The following GRIK1 variants were observed in gnomAD, a reference collection of about 807,000 sequenced individuals.
GRIK1 encodes the protein glutamate ionotropic receptor kainate type subunit 1, also known as glutamate receptor ionotropic, kainate 1.
Under a neutral mutation model 105.7 loss-of-function variants are expected in GRIK1, and 69 were observed. That is an observed-to-expected ratio of 0.65 (90% confidence interval 0.54 to 0.80). The LOEUF is 0.80. GRIK1 is among the 30% of genes least tolerant of loss of function. The pLI, the probability that GRIK1 is intolerant of heterozygous loss-of-function variation, is 0.00. For synonymous variants in GRIK1, 438 were observed against 431.3 expected, an observed-to-expected ratio of 1.02 and a Z score of -0.19; for missense variants, 1,109 against 1,167.3, an observed-to-expected ratio of 0.95 and a Z score of 0.73.
At chr21:29,744,982 C>G (rs1375978535) in intron 1 of GRIK1, among the ~76,000 whole-genome samples, 1 of 152,150 alleles carries the variant, frequency 6.6e-6, no homozygotes, top group Non-Finnish European at 1.5e-5. Flanking sequence ...CTGGCATTCA[C>G]AGTCTTGTGT....
chr21:29,550,107 C>CAAAAAAAAAAAAAAAAAAAAAAAAAAA (rs34939329), intron 16 of GRIK1, among the ~76,000 whole-genome samples: 1 of 53,476 alleles, frequency 1.9e-5, no homozygotes, highest in African/African-American at 8.5e-5. Context: ...GACTCCATCT[C>CAAAAAAAAAAAAAAAAAAAAAAAAAAA]AAAAAAAAAA....
chr21:29,657,528 G>GTAGTAGAAAAATTCCCGTTGCTC (rs1262239775), intron 4 of GRIK1: 1 of 152,184 alleles, frequency 6.6e-6, no homozygotes, highest in Non-Finnish European at 1.5e-5. Flanking sequence ...TTTATTTGCT[G>GTAGTAGAAAAATTCCCGTTGCTC]TAGTAGAAAA....
intron 1 of GRIK1, among the ~76,000 whole-genome samples, chr21:29,837,356 C>T (rs8129443): frequency 0.041 from 6,196 of 152,164 alleles, 322 homozygotes; most frequent in African/African-American, 0.12. Flanking sequence ...ATTTCTCTTC[C>T]GAAAGCCTTT....
intron 1 of GRIK1, among the ~76,000 whole-genome samples, chr21:29,914,913 A>G (rs1405694568): frequency 6.6e-6 from 1 of 152,112 alleles, no homozygotes; most frequent in Admixed American, 6.6e-5. Flanking sequence ...ATCTGCCTTT[A>G]AATTACTTGC....
chr21:29,817,723 C>T (rs1366182352), intron 1 of GRIK1, among the ~76,000 whole-genome samples: 2 of 152,072 alleles, frequency 1.3e-5, no homozygotes, highest in Non-Finnish European at 2.9e-5. Flanking sequence ...CTGCAGCCAC[C>T]ATGAAATGGG....
At chr21:29,755,766 G>T (rs935455034) in intron 1 of GRIK1, among the ~76,000 whole-genome samples, 1 of 152,176 alleles carries the variant, frequency 6.6e-6, no homozygotes, top group Non-Finnish European at 1.5e-5. Flanking sequence ...AGGACTATTA[G>T]ATAAAATGTC....
chr21:29,640,663 C>T (rs554155152), intron 7 of GRIK1, among the ~76,000 whole-genome samples: 2 of 152,250 alleles, frequency 1.3e-5, no homozygotes, highest in South Asian at 4.1e-4. Context: ...GACTTAAGTA[C>T]AAGTGATAAG....
At chr21:29,696,146 G>A (rs1033624823) in intron 1 of GRIK1, among the ~76,000 whole-genome samples, 1 of 152,196 alleles carries the variant, frequency 6.6e-6, no homozygotes, top group Non-Finnish European at 1.5e-5. Flanking sequence ...ATGGTTTATA[G>A]TGAATTATTT....
At chr21:29,672,868 TA>T in intron 4 of GRIK1, 114 bp downstream of exon 4, 1 of 741,812 alleles carries the variant, frequency 1.3e-6, no homozygotes, top group South Asian at 1.8e-5. Context: ...ATCTTTAGCA[TA>T]AACGGGACTG....
chr21:29,733,575 T>C (rs937301413), intron 1 of GRIK1, among the ~76,000 whole-genome samples: 5 of 152,174 alleles, frequency 3.3e-5, no homozygotes, highest in Non-Finnish European at 2.9e-5. Context: ...TTATGCAAAT[T>C]ATATTCATTA....
intron 7 of GRIK1, among the ~76,000 whole-genome samples, chr21:29,640,589 T>C (rs554946433): frequency 6.6e-6 from 1 of 152,334 alleles, no homozygotes; most frequent in East Asian, 1.9e-4. Flanking sequence ...TGGTCCCTCA[T>C]CTTGGAGCTC....
intron 7 of GRIK1, among the ~76,000 whole-genome samples, chr21:29,638,007 A>G (rs956908142): frequency 6.6e-6 from 1 of 152,174 alleles, no homozygotes; most frequent in Non-Finnish European, 1.5e-5. Context: ...AGACTCCAAT[A>G]ATAATAATGA....
At chr21:29,559,995 A>G (rs182943373) in intron 15 of GRIK1, among the ~76,000 whole-genome samples, 28 of 152,256 alleles carry the variant, frequency 1.8e-4, no homozygotes, top group Admixed American at 1.6e-3. Flanking sequence ...CACTTATGGT[A>G]TCTGCTTGGC....
rs1050501535 is a variant in GRIK1, at chr21:29,803,633, G to T, written c.119-109570C>A. On this transcript the variant is annotated intron_variant, in intron 1 of 17. Coordinates refer to ENST00000327783, the MANE Select transcript of GRIK1 (RefSeq NM_001330994.2). ...GGCCCCATGTGCACTCTGAAGAGTT[G>T]TGGAGGATGGGCTAGCTAACTTCCT... 3.9e-5 allele frequency among the ~76,000 whole-genome samples: 6 copies of T among 152,276 alleles called. No individual in the cohort carries two copies. In the East Asian group the frequency reaches 5.8e-4, roughly 15 times the overall value.
At chr21:29,792,486 A>C (rs1318689250) in intron 1 of GRIK1, among the ~76,000 whole-genome samples, 7 of 152,202 alleles carry the variant, frequency 4.6e-5, no homozygotes, top group Admixed American at 6.5e-5. Flanking sequence ...AAAGGCACAG[A>C]CTTCTCAACA....
chr21:29,602,186 C>T (rs2061531731), intron 7 of GRIK1, among the ~76,000 whole-genome samples: 1 of 152,068 alleles, frequency 6.6e-6, no homozygotes, highest in Non-Finnish European at 1.5e-5. Flanking sequence ...TGGAATTCTA[C>T]AATCATAGGC....
intron 1 of GRIK1, among the ~76,000 whole-genome samples, chr21:29,825,726 T>C (rs2067435026): frequency 6.6e-6 from 1 of 152,106 alleles, no homozygotes; most frequent in Non-Finnish European, 1.5e-5. Flanking sequence ...AAAGGAGTAC[T>C]GGTCTAAATA....
chr21:29,567,178 G>C (rs964921618), intron 14 of GRIK1, among the ~76,000 whole-genome samples: 2 of 152,126 alleles, frequency 1.3e-5, no homozygotes, highest in Admixed American at 6.6e-5. Context: ...TCCTTTAACA[G>C]TATTTTGCTT....
At chr21:29,627,942 C>A (rs2062170667) in intron 7 of GRIK1, among the ~76,000 whole-genome samples, 1 of 152,120 alleles carries the variant, frequency 6.6e-6, no homozygotes, top group African/African-American at 2.4e-5. Context: ...TATACTTAGT[C>A]CTGACTTTTG....
Sources: allele counts gnomAD v4.1 joint callset (sites outside exome capture counted in the v4.1 genomes callset), GRCh38; gene constraint gnomAD v4.1.1; transcripts MANE v1.5; gene names NCBI Gene and HGNC (gene_info 2026-07-23, HGNC 2026-07-21).